NELL1: variants seen among roughly 807,000 people sequenced by gnomAD.
The protein encoded by NELL1 is protein kinase C-binding protein NELL1.
A neutral mutation model predicts 107.4 loss-of-function variants in NELL1; 76 were observed. The ratio of observed to expected loss-of-function variants is 0.71; its 90% CI spans 0.59 to 0.86. NELL1 has a LOEUF of 0.86. Ranked by LOEUF, NELL1 falls within the 40% of genes least tolerant of loss-of-function variation. The pLI is 0.00. For synonymous variants in NELL1, 353 were observed against 341.2 expected (o/e 1.03, Z -0.38); for missense variants, 1,024 against 1,005.5 (o/e 1.02, Z -0.25).
In NELL1 at chr11:21,384,649, T is replaced by A. The variant is rs553296267; in HGVS notation, c.1645+13701T>A. 6.7e-3 allele frequency among the ~76,000 whole-genome samples: 1,014 copies of A among 151,606 alleles called. 12 individuals carry two copies. The highest frequency in any genetic ancestry group is 0.023 in the African/African-American group (955 of 41,236). The stretch of plus-strand genomic sequence containing the variant: ...GTGTGATGTTCCCCTTCCTGTGTCC[T>A]TGTGTTTTCATTGTTCAATTCCCAC... On this transcript the variant is annotated intron_variant, in intron 15 of 19. Transcript: ENST00000357134.
intron 15 of NELL1, among the ~76,000 whole-genome samples, chr11:21,524,511 G>T (rs1190154824): frequency 6.6e-6 from 1 of 152,096 alleles, no homozygotes. Context: ...ATTAAGATTT[G>T]TGCTTGGATT....
chr11:21,464,575 GT>G (rs1340723934), intron 15 of NELL1, among the ~76,000 whole-genome samples: 3 of 152,118 alleles, frequency 2.0e-5, no homozygotes, highest in Non-Finnish European at 2.9e-5. Flanking sequence ...GGAAAAAATA[GT>G]TTTTTTGTAT....
intron 15 of NELL1, among the ~76,000 whole-genome samples, chr11:21,380,047 G>A (rs1020623437): frequency 6.6e-6 from 1 of 152,060 alleles, no homozygotes; most frequent in African/African-American, 2.4e-5. Context: ...CATCTGGGGG[G>A]AGAATGAATG....
intron 12 of NELL1, among the ~76,000 whole-genome samples, chr11:21,090,106 T>C (rs1017494305): frequency 6.6e-6 from 1 of 152,146 alleles, no homozygotes; most frequent in African/African-American, 2.4e-5. Context: ...CCACTTCCTG[T>C]AGTTTGAGAT....
chr11:21,429,800 T>C (rs972087141), intron 15 of NELL1, among the ~76,000 whole-genome samples: 1 of 152,152 alleles, frequency 6.6e-6, no homozygotes, highest in Non-Finnish European at 1.5e-5. Flanking sequence ...CTTTGAGATG[T>C]GGGTTCACAA....
At chr11:21,091,101 A>C (rs1274075179) in intron 12 of NELL1, among the ~76,000 whole-genome samples, 1 of 152,216 alleles carries the variant, frequency 6.6e-6, no homozygotes, top group Non-Finnish European at 1.5e-5. Context: ...TATGACATAG[A>C]TTTTGCCTCA....
chr11:20,893,137 C>A (rs1253179893), intron 5 of NELL1, among the ~76,000 whole-genome samples: 2 of 152,060 alleles, frequency 1.3e-5, no homozygotes, highest in East Asian at 1.9e-4. Context: ...AAGCCATCAT[C>A]CTCAGCAAAC....
chr11:21,337,189 G>A (rs917912477), intron 14 of NELL1, among the ~76,000 whole-genome samples: 3 of 152,010 alleles, frequency 2.0e-5, no homozygotes, highest in Non-Finnish European at 4.4e-5. Flanking sequence ...GAGGGGCCTG[G>A]GGTGTACTAG....
intron 15 of NELL1, among the ~76,000 whole-genome samples, chr11:21,529,337 A>G (rs932667428): frequency 1.1e-4 from 16 of 152,294 alleles, no homozygotes; most frequent in African/African-American, 3.1e-4. Context: ...ATGACCTTAC[A>G]TATCTTCAAA....
intron 15 of NELL1, among the ~76,000 whole-genome samples, chr11:21,499,216 CTG>C (rs1373733529): frequency 2.0e-5 from 3 of 151,222 alleles, no homozygotes; most frequent in South Asian, 4.2e-4. Context: ...TTATTAAACT[CTG>C]TAATACATTG....
chr11:20,919,456 A>G (rs1216130387), intron 7 of NELL1, 122 bp downstream of exon 7: 1 of 606,702 alleles, frequency 1.6e-6, no homozygotes, highest in Non-Finnish European at 3.0e-6. Flanking sequence ...TACTACAAAA[A>G]TGTTTTATTC....
chr11:21,212,080 C>T (rs548153134), intron 13 of NELL1, among the ~76,000 whole-genome samples: 1 of 152,268 alleles, frequency 6.6e-6, no homozygotes, highest in African/African-American at 2.4e-5. Flanking sequence ...CCCACCTTGG[C>T]CTCCCAAAGT....
chr11:20,827,477 G>A lies in NELL1; in HGVS notation c.336-20106G>A, dbSNP rs150897104. Among the ~76,000 whole-genome samples the A allele has an allele frequency of 2.6e-5, 4 of 151,252 alleles. No individual in the cohort carries two copies. In the East Asian group the frequency reaches 7.7e-4, roughly 29 times the overall value. ...GTGTTTCTGGCTAGGTATCTGTCCT[G>A]GGAAGCTCTTCTTCTAGTGGAAAGT... On this transcript the variant is annotated intron_variant, in intron 3 of 19. Transcript: ENST00000357134.
chr11:20,706,849 ATG>A (rs1235707998), intron 2 of NELL1, among the ~76,000 whole-genome samples: 1 of 151,896 alleles, frequency 6.6e-6, no homozygotes, highest in Non-Finnish European at 1.5e-5. Context: ...TCTGACAATT[ATG>A]TGTCTTGGAG....
At chr11:20,743,008 T>C (rs980954198) in intron 2 of NELL1, among the ~76,000 whole-genome samples, 18 of 152,086 alleles carry the variant, frequency 1.2e-4, no homozygotes, top group Admixed American at 1.2e-3. Context: ...TTCTAACCAA[T>C]CTGTATTCAA....
intron 15 of NELL1, among the ~76,000 whole-genome samples, chr11:21,494,335 C>A (rs183745375): frequency 1.0e-3 from 152 of 152,054 alleles, no homozygotes; most frequent in Non-Finnish European, 1.8e-3. Flanking sequence ...ACTAACAAGT[C>A]ATCCAATTTC....
intron 15 of NELL1, among the ~76,000 whole-genome samples, chr11:21,516,258 A>AACATAGTAT (rs1462017998): frequency 1.3e-5 from 2 of 152,162 alleles, no homozygotes; most frequent in Non-Finnish European, 2.9e-5. Flanking sequence ...TGGTGACTAA[A>AACATAGTAT]ACATAGTATC....
intron 15 of NELL1, among the ~76,000 whole-genome samples, chr11:21,430,940 G>C (rs1852949530): frequency 6.6e-6 from 1 of 152,000 alleles, no homozygotes; most frequent in Non-Finnish European, 1.5e-5. Flanking sequence ...TTATGGTCTA[G>C]AATATAGTAG....
At chr11:21,544,284 G>A (rs2133981938) in intron 16 of NELL1, among the ~76,000 whole-genome samples, 1 of 152,084 alleles carries the variant, frequency 6.6e-6, no homozygotes, top group South Asian at 2.1e-4. Flanking sequence ...TAAGCTAGGT[G>A]GTAGGTAGGA....
Sources: allele counts gnomAD v4.1 joint callset (sites outside exome capture counted in the v4.1 genomes callset), GRCh38; gene constraint gnomAD v4.1.1; transcripts MANE v1.5; gene names NCBI Gene and HGNC (gene_info 2026-07-23, HGNC 2026-07-21).